The following NT5C2 variants were observed in gnomAD, a reference collection of about 807,000 sequenced individuals.
NT5C2 encodes the protein cytosolic purine 5'-nucleotidase.
A neutral mutation model predicts 76.1 loss-of-function variants in NT5C2; 58 were observed. That is an observed-to-expected ratio of 0.76 (90% CI 0.62 to 0.95). The LOEUF (loss-of-function observed/expected upper bound fraction) is 0.95. Ranked by LOEUF, NT5C2 falls within the 40% of genes least tolerant of loss-of-function variation. The pLI, the probability that NT5C2 is intolerant of heterozygous loss-of-function variation, is 0.00. For synonymous variants in NT5C2, 229 were observed against 237.4 expected (o/e 0.96, Z 0.32); for missense variants, 478 against 690.3 (o/e 0.69, Z 3.45).
chr10:103,178,788 T>C (rs1437201223), intron 2 of NT5C2, among the ~76,000 whole-genome samples: 1 of 132,588 alleles, frequency 7.5e-6, no homozygotes, highest in Non-Finnish European at 1.6e-5. Context: ...TGAGCCGAGA[T>C]CACACCACTA....
rs115278688 is a variant in NT5C2 at position 103,088,983 on chromosome 10, G to A, written c.*689C>T. On this transcript the variant is annotated 3_prime_UTR_variant, in exon 19 of 19. Coordinates refer to ENST00000404739, the MANE Select transcript of NT5C2 (RefSeq NM_001351169.2). ...ATAGATTTATCACAGATAAGAAGGA[G>A]GTTGTTTTTGGATAACAAATAAGCA... is the stretch of plus-strand genomic sequence containing the variant. 1.1e-3 allele frequency: 223 copies of A among 209,132 alleles called. 2 individuals are homozygous for A. The highest frequency in any genetic ancestry group is 4.6e-3 in the Middle Eastern group (3 of 654). 13.0% of individuals were successfully genotyped at this position (209,132 alleles called of 1,614,324 possible). A position where few individuals can be genotyped will look rare whatever the true frequency, so the allele number is the denominator to read the frequency against.
rs117753878 is a variant in NT5C2 at position 103,137,714 on chromosome 10, A to G, written c.175+1692T>C. On this transcript the variant is annotated intron_variant, in intron 4 of 18. Coordinates refer to ENST00000404739, the MANE Select transcript of NT5C2 (RefSeq NM_001351169.2). ...GTTTCACATACACGTGCAAGCATAT[A>G]TGCTCAACTTGATCCCTCATCCCCA... Among the ~76,000 whole-genome samples, 836 of 152,338 alleles carry G rather than the reference A, an allele frequency of 5.5e-3. 7 individuals carry two copies. Among genetic ancestry groups the G allele is most frequent in the Middle Eastern group, 0.014 (4 of 294 alleles).
chr10:103,130,451 A>T (rs1323789788), intron 4 of NT5C2, among the ~76,000 whole-genome samples: 1 of 149,862 alleles, frequency 6.7e-6, no homozygotes, highest in Non-Finnish European at 1.5e-5. Flanking sequence ...TAGGAAAACC[A>T]GAGACCTTTG....
rs547424823 is a variant in NT5C2 at position 103,092,772 on chromosome 10, G to A, written c.1159+367C>T. Among the ~76,000 whole-genome samples the A allele has an allele frequency of 2.6e-5, 4 of 152,268 alleles. No homozygotes were observed. The East Asian group carries it at 7.7e-4, about 29-fold the overall frequency. ...GAGCCATCACTGCCCCAGAATCACA[G>A]ATATGGGCTGTTAGCAGAGAGACTG... is the stretch of plus-strand genomic sequence containing the variant. On this transcript the variant is annotated intron_variant, in intron 15 of 18. Transcript: ENST00000404739.
intron 3 of NT5C2, among the ~76,000 whole-genome samples, chr10:103,142,074 T>C (rs1191265865): frequency 6.6e-6 from 1 of 152,134 alleles, no homozygotes; most frequent in Non-Finnish European, 1.5e-5. Context: ...AAGCATTTAT[T>C]GTGGCTGGAG....
At chr10:103,151,925 A>G (rs1408473155) in intron 3 of NT5C2, among the ~76,000 whole-genome samples, 1 of 152,158 alleles carries the variant, frequency 6.6e-6, no homozygotes, top group Admixed American at 6.5e-5. Context: ...GCTCCTAGAG[A>G]TAAACCTAAA....
At chr10:103,129,524 T>TG (rs2077540883) in intron 4 of NT5C2, among the ~76,000 whole-genome samples, 9 of 78,858 alleles carry the variant, frequency 1.1e-4, no homozygotes, top group Admixed American at 2.4e-4. Context: ...GGGAGGGAGG[T>TG]GGGGGGGTCA....
rs1425381216 is a variant in NT5C2, at chr10:103,101,051, T to C, written c.533A>G (p.Tyr178Cys). The C allele has an allele frequency of 6.5e-7, 1 of 1,527,498 alleles. No homozygotes were observed. Among genetic ancestry groups the C allele is most frequent in the Non-Finnish European group, 9.1e-7 (1 of 1,101,270 alleles). 94.6% of individuals were successfully genotyped at this position (1,527,498 alleles called of 1,614,324 possible). Residue 178 changes from tyrosine (Y) to cysteine (C), a missense_variant, in exon 8 of 19, where the codon TAT (tyrosine) becomes TGT (cysteine). Coordinates refer to ENST00000404739, the MANE Select transcript of NT5C2 (RefSeq NM_001351169.2). Reference sequence around the variant, plus strand: ...AATTATAGTATATACATACCTGGTATATCTGGGACAATTAGTAAAAAAATC... The same window carrying C: ...AATTATAGTATATACATACCTGGTACATCTGGGACAATTAGTAAAAAAATC... ...LVDFFTNCPRYTSCETGFKDG... is the reference protein window; with the variant it reads ...LVDFFTNCPRCTSCETGFKDG...
At position 103,090,768 on chromosome 10, in the gene NT5C2, T is replaced by A. The variant is rs775844720; in HGVS notation, c.1292A>T (p.Asp431Val). The change falls in exon 18 of 19, where the codon GAC becomes GTC. Residue 431 changes from aspartate (D) to valine (V), a missense_variant. Asp to Val is a radical substitution (Grantham distance 152, BLOSUM62 -3). Coordinates refer to ENST00000404739, the MANE Select transcript of NT5C2 (RefSeq NM_001351169.2). ...RRIKKVTHDM[D>V]MCYGMMGSLF... ...GCTTCCCATCATCCCATAGCACATG[T>A]CCATGTCATGAGTTACTTTCTAAAA... 6.2e-7 allele frequency: 1 copy of A among 1,614,044 alleles called. No homozygotes were observed. The highest frequency in any genetic ancestry group is 1.7e-5 in the Admixed American group (1 of 59,978).
intron 4 of NT5C2, among the ~76,000 whole-genome samples, chr10:103,121,358 A>G (rs2075626924): frequency 6.6e-6 from 1 of 152,228 alleles, no homozygotes; most frequent in Non-Finnish European, 1.5e-5. Context: ...CCAATACTGC[A>G]TAATATTTCT....
chr10:103,099,042 G>T, intron 9 of NT5C2, 58 bp from the exon 10 acceptor site: 1 of 1,372,248 alleles, frequency 7.3e-7, no homozygotes, highest in Non-Finnish European at 1.0e-6. Flanking sequence ...TTAACATGTA[G>T]TTTATAAGAA....
chr10:103,142,231 T>G (rs945930741), intron 3 of NT5C2, among the ~76,000 whole-genome samples: 4 of 152,120 alleles, frequency 2.6e-5, no homozygotes. Context: ...ATTAGGGAAT[T>G]TGGACTTTAT....
At chr10:103,104,520 A>G (rs1433779660) in intron 6 of NT5C2, among the ~76,000 whole-genome samples, 1 of 152,194 alleles carries the variant, frequency 6.6e-6, no homozygotes, top group East Asian at 1.9e-4. Flanking sequence ...CATATTCTAA[A>G]TCCTGTTTCC....
At chr10:103,112,874 A>G (rs757291327) in intron 4 of NT5C2, among the ~76,000 whole-genome samples, 1 of 152,214 alleles carries the variant, frequency 6.6e-6, no homozygotes, top group Non-Finnish European at 1.5e-5. Context: ...AAAGGTGATA[A>G]CGCACATTTT....
chr10:103,101,242 G>A lies in NT5C2; in HGVS notation c.474C>T (p.Asn158=). 1 of 1,587,768 alleles carries A rather than the reference G, an allele frequency of 6.3e-7. No individual in the cohort carries two copies. The highest frequency in any genetic ancestry group is 8.6e-7 in the Non-Finnish European group (1 of 1,156,516). ...ERFYILNTLF[N]LPETYLLACL... ...AGCATAGAATGAATCTACCTGGTAG[G>A]TTGAATAGTGTGTTCAGAATGTAAA... is the stretch of plus-strand genomic sequence containing the variant. The change falls in exon 7 of 19, where the codon AAC becomes AAT. Residue 158 remains asparagine (N), a synonymous_variant. Transcript: ENST00000404739.
At chr10:103,129,869 G>T (rs1168405631) in intron 4 of NT5C2, among the ~76,000 whole-genome samples, 1 of 76,378 alleles carries the variant, frequency 1.3e-5, no homozygotes, top group Admixed American at 1.2e-4. Context: ...CGCCCTGTCC[G>T]GGAGGGAGGT....
intron 16 of NT5C2, 85 bp from the exon 17 acceptor site, chr10:103,091,081 C>G (rs2066707116): frequency 8.0e-6 from 10 of 1,244,884 alleles, no homozygotes; most frequent in Middle Eastern, 1.8e-4. Flanking sequence ...GTCACTCAGG[C>G]TGGAGTGCAG....
rs540359827 is a variant in NT5C2, at chr10:103,152,555, A to C, written c.102-13076T>G. ...GATAATTAATAGATTCCAGAAAAATAAAAACTAAACTTTTACTGTATTTTT... is the reference window on the plus strand; with the variant it reads ...GATAATTAATAGATTCCAGAAAAATCAAAACTAAACTTTTACTGTATTTTT... On this transcript the variant is annotated intron_variant, in intron 3 of 18. Transcript: ENST00000404739. Among the ~76,000 whole-genome samples, 18 of 152,332 alleles carry C rather than the reference A, an allele frequency of 1.2e-4. No individual in the cohort carries two copies. The East Asian group carries it at 3.5e-3, about 29-fold the overall frequency.
chr10:103,099,779 G>A, intron 9 of NT5C2, 147 bp downstream of exon 9: 2 of 513,600 alleles, frequency 3.9e-6, no homozygotes, highest in South Asian at 2.4e-5. Context: ...AAGAACAAAT[G>A]TATTCTAGAG....
Sources: gnomAD v4.1 joint callset for allele counts (sites outside exome capture counted in the v4.1 genomes callset) on GRCh38, gnomAD v4.1.1 for gene constraint, MANE v1.5 for transcripts, NCBI Gene and HGNC (gene_info 2026-07-23, HGNC 2026-07-21) for gene names.